The following SCN4A variants were observed in gnomAD, a reference collection of about 807,000 sequenced individuals.
The protein encoded by SCN4A is sodium voltage-gated channel alpha subunit 4.
Under a neutral mutation model 162.0 loss-of-function variants are expected in SCN4A, and 83 were observed. That is an observed-to-expected ratio of 0.51 (90% CI 0.43 to 0.61). The LOEUF is 0.61. Ranked by LOEUF, SCN4A falls within the 20% of genes least tolerant of loss-of-function variation. The pLI is 0.00. For synonymous variants in SCN4A, 944 were observed against 985.1 expected (o/e 0.96, Z 0.78); for missense variants, 2,196 against 2,462.5 (o/e 0.89, Z 2.29).
rs577143232 is a variant in SCN4A, at chr17:63,951,253, G to A, written c.2853+171C>T. 3.3e-5 allele frequency among the ~76,000 whole-genome samples: 5 copies of A among 152,292 alleles called. No homozygotes were observed. The highest frequency in any genetic ancestry group is 9.6e-5 in the African/African-American group (4 of 41,544). ...TAGTGACTGCCACCACTCACAGGGC[G>A]CGGACTGCATGCTTTACATACAGCG... is the stretch of plus-strand genomic sequence containing the variant. On this transcript the variant is annotated intron_variant, in intron 14 of 23. Coordinates refer to ENST00000435607, the MANE Select transcript of SCN4A (RefSeq NM_000334.4). The surrounding 1 kb of genome is among the most constrained non-coding windows in gnomAD (Gnocchi z 4.5).
At chr17:63,942,798 C>A in intron 23 of SCN4A, 28 bp downstream of exon 23, 2 of 1,603,098 alleles carry the variant, frequency 1.2e-6, no homozygotes, top group Non-Finnish European at 1.7e-6. Flanking sequence ...CTCAGTGCTG[C>A]CCTGCCGGTC....
At chr17:63,960,272 C>A (rs535002919) in intron 11 of SCN4A, among the ~76,000 whole-genome samples, 2 of 152,370 alleles carry the variant, frequency 1.3e-5, no homozygotes, top group Non-Finnish European at 2.9e-5. Context: ...CAGGCCCGGT[C>A]CATCACGCAC....
At chr17:63,968,667 C>T (rs1909529199) in intron 5 of SCN4A, among the ~76,000 whole-genome samples, 1 of 152,138 alleles carries the variant, frequency 6.6e-6, no homozygotes, top group Non-Finnish European at 1.5e-5. Flanking sequence ...TAAGTTAGCG[C>T]TGTCAAAGTG....
Position 63,947,137 on chromosome 17 carries a change from G to A in SCN4A, c.3349C>T (p.Leu1117=). 1.2e-6 allele frequency: 2 copies of A among 1,613,446 alleles called. No individual in the cohort carries two copies. The highest frequency in any genetic ancestry group is 2.7e-5 in the African/African-American group (2 of 75,000). ...VSIISLVANW[L]GYSELGPIKS... ...ATGGGTCCCAGCTCCGAGTAGCCCA[G>A]CCAGTTGGCCACCAAGCTGATGATG... The change falls in exon 18 of 24, where the codon CTG becomes TTG. Residue 1117 remains leucine, a synonymous_variant. Coordinates refer to ENST00000435607, the MANE Select transcript of SCN4A (RefSeq NM_000334.4).
chr17:63,946,239 C>T (rs1353449508), intron 18 of SCN4A, among the ~76,000 whole-genome samples: 2 of 152,194 alleles, frequency 1.3e-5, no homozygotes, highest in African/African-American at 4.8e-5. Flanking sequence ...CTGGTTGGGG[C>T]ACTGACCAGC....
intron 13 of SCN4A, among the ~76,000 whole-genome samples, chr17:63,955,500 C>T (rs759223178): frequency 2.6e-5 from 4 of 152,206 alleles, no homozygotes; most frequent in Non-Finnish European, 4.4e-5. Flanking sequence ...TCCCCGTTTT[C>T]CAGATGGGAA....
chr17:63,954,094 C>T (rs1908998770), intron 13 of SCN4A, among the ~76,000 whole-genome samples: 1 of 152,162 alleles, frequency 6.6e-6, no homozygotes, highest in South Asian at 2.1e-4. Context: ...AATTGGGGAG[C>T]CTGCACTTGC....
intron 14 of SCN4A, 132 bp from the exon 15 acceptor site, chr17:63,949,660 C>A: frequency 9.0e-7 from 1 of 1,106,228 alleles, no homozygotes; most frequent in Non-Finnish European, 1.3e-6. Context: ...TCCATTCATT[C>A]ATTCATCCAG....
intron 16 of SCN4A, among the ~76,000 whole-genome samples, chr17:63,948,284 A>G (rs972686276): frequency 6.6e-6 from 1 of 151,986 alleles, no homozygotes; most frequent in East Asian, 1.9e-4. Flanking sequence ...CAAGCCCAAC[A>G]ACAGCAAATT....
chr17:63,964,298 C>T (rs1315418003), intron 9 of SCN4A, among the ~76,000 whole-genome samples, 170 bp downstream of exon 9: 2 of 152,210 alleles, frequency 1.3e-5, no homozygotes, highest in African/African-American at 2.4e-5. Flanking sequence ...TCCCTCCATC[C>T]CCCTGCCACC....
At chr17:63,952,425 G>T (rs977163712) in intron 13 of SCN4A, among the ~76,000 whole-genome samples, 2 of 152,110 alleles carry the variant, frequency 1.3e-5, no homozygotes, top group African/African-American at 4.8e-5. Flanking sequence ...CTCCCAAAGT[G>T]CTGGGATTAG....
In SCN4A at chr17:63,957,527, C is replaced by T; in HGVS notation, c.2020-9G>A. 6.2e-7 allele frequency: 1 copy of T among 1,601,784 alleles called. No individual in the cohort carries two copies. ...AGCTTGAAGACCCGCAGCTGCCAAG[C>T]AGGGAGGGCAAGGGTGAATGAGGCC... On this transcript the variant is annotated splice_polypyrimidine_tract_variant and intron_variant, in intron 12 of 23. Transcript: ENST00000435607.
Position 63,950,495 on chromosome 17 carries a change from G to A in SCN4A, c.2853+929C>T, listed in dbSNP as rs1354854930. Among the ~76,000 whole-genome samples, 1 of 152,204 alleles carries A rather than the reference G, an allele frequency of 6.6e-6. No individual in the cohort carries two copies. Among genetic ancestry groups the A allele is most frequent in the Non-Finnish European group, 1.5e-5 (1 of 68,038 alleles). On this transcript the variant is annotated intron_variant, in intron 14 of 23. Coordinates refer to ENST00000435607, the MANE Select transcript of SCN4A (RefSeq NM_000334.4). The surrounding 1 kb of genome is among the most constrained non-coding windows in gnomAD (Gnocchi z 4.6). ...GTGCTCTCCAGCTCCCCCGCCACCT[G>A]AGTGCCTCATACCGAGGTCTGTGCC...
rs1909164908 is a variant in SCN4A at position 63,959,166 on chromosome 17, C to T, written c.2019+99G>A. ...CAGAGGAGGCCTCGTTTTCAGCCCT[C>T]TAGCTTCCTGGGGTTTCTCCTCCCA... On this transcript the variant is annotated intron_variant, in intron 12 of 23. Transcript: ENST00000435607. 2.7e-6 allele frequency: 3 copies of T among 1,128,188 alleles called. No individual in the cohort carries two copies. The Admixed American group carries it at 7.2e-5, about 27-fold the overall frequency. The allele number at this position is 1,128,188 out of a possible 1,614,324, so 69.9% of individuals were successfully genotyped here.
chr17:63,960,264 G>A (rs1318031799), intron 11 of SCN4A, among the ~76,000 whole-genome samples: 2 of 152,264 alleles, frequency 1.3e-5, no homozygotes, highest in Non-Finnish European at 2.9e-5. Context: ...CAAGCGGGCA[G>A]GCCCGGTCCA....
rs756300055 is a variant in SCN4A at position 63,945,462 on chromosome 17, CTTG to C, written c.3615_3617del (p.Asn1205del). Reference sequence around the variant, plus strand: ...TGTGCATGAGGCTCTCGCACTCAGACTTGTTGTTGACCTCGGAGATGTCGAACC... The same window carrying C: ...TGTGCATGAGGCTCTCGCACTCAGACTTGTTGACCTCGGAGATGTCGAACC... On this transcript the variant is annotated inframe_deletion, in exon 19 of 24. Transcript: ENST00000435607. This position sits in a 1 kb window ranked among gnomAD's most constrained non-coding sequence, Gnocchi z 4.4. 2.5e-6 allele frequency: 4 copies of C among 1,613,966 alleles called. No individual in the cohort carries two copies. Among genetic ancestry groups the C allele is most frequent in the African/African-American group, 1.3e-5 (1 of 75,022 alleles).
At position 63,950,892 on chromosome 17, in the gene SCN4A, C is replaced by G. The variant is rs1042557543; in HGVS notation, c.2853+532G>C. Among the ~76,000 whole-genome samples, 2 of 152,240 alleles carry G rather than the reference C, an allele frequency of 1.3e-5. No homozygotes were observed. Among genetic ancestry groups the G allele is most frequent in the African/African-American group, 4.8e-5 (2 of 41,474 alleles). ...AGGGCTCCTGCCTGAGGCTTCTGTCCTCCTTGTCCTCAACTCCCGTTGGCC... is the reference window on the plus strand; with the variant it reads ...AGGGCTCCTGCCTGAGGCTTCTGTCGTCCTTGTCCTCAACTCCCGTTGGCC... On this transcript the variant is annotated intron_variant, in intron 14 of 23. Transcript: ENST00000435607. This position sits in a 1 kb window ranked among gnomAD's most constrained non-coding sequence, Gnocchi z 4.6.
intron 7 of SCN4A, 29 bp from the exon 8 acceptor site, chr17:63,966,272 G>A: frequency 2.5e-6 from 4 of 1,595,014 alleles, no homozygotes; most frequent in Non-Finnish European, 3.4e-6. Flanking sequence ...GCTGGGTTTA[G>A]GGTGGGAGGA....
At chr17:63,947,238 G>T in intron 17 of SCN4A, 71 bp from the exon 18 acceptor site, 3 of 1,588,644 alleles carry the variant, frequency 1.9e-6, no homozygotes, top group Non-Finnish European at 1.7e-6. Context: ...GGCCACGGGG[G>T]TCTTCCTGGA....
Sources: gnomAD v4.1 joint callset for allele counts (sites outside exome capture counted in the v4.1 genomes callset) on GRCh38, gnomAD v4.1.1 for gene constraint, Gnocchi (gnomAD v3.1) non-coding constraint, MANE v1.5 for transcripts, NCBI Gene and HGNC (gene_info 2026-07-23, HGNC 2026-07-21) for gene names.